MME: variants seen among roughly 807,000 people sequenced by gnomAD.
The protein encoded by MME is neprilysin.
Under a neutral mutation model 113.2 loss-of-function variants are expected in MME, and 98 were observed. That is an observed-to-expected ratio of 0.87 (90% confidence interval 0.74 to 1.02). The LOEUF (loss-of-function observed/expected upper bound fraction) is 1.02, where lower values mean the gene tolerates loss of function less well. Ranked by LOEUF, MME falls within the 50% of genes least tolerant of loss-of-function variation. MME has a pLI of 0.00. For synonymous variants in MME, 292 were observed against 300.6 expected, an observed-to-expected ratio of 0.97 and a Z score of 0.30; for missense variants, 836 against 896.0, an observed-to-expected ratio of 0.93 and a Z score of 0.86.
intron 1 of MME, among the ~76,000 whole-genome samples, chr3:155,032,819 C>CA (rs1713013547): frequency 6.6e-6 from 1 of 152,040 alleles, no homozygotes; most frequent in Admixed American, 6.5e-5. Flanking sequence ...AAAGAGATTA[C>CA]AAAAAATGGA....
At chr3:155,026,253 C>T (rs1184345856) in intron 1 of MME, among the ~76,000 whole-genome samples, 1 of 152,058 alleles carries the variant, frequency 6.6e-6, no homozygotes, top group African/African-American at 2.4e-5. Flanking sequence ...TTTATCTATT[C>T]ATTGAGGCCC....
chr3:155,174,874 G>T (rs1436954868), intron 22 of MME, among the ~76,000 whole-genome samples: 3 of 151,920 alleles, frequency 2.0e-5, no homozygotes, highest in Non-Finnish European at 2.9e-5. Flanking sequence ...TTTGTCAAGG[G>T]TTTGCCCTGC....
chr3:155,143,909 A>T (rs886131365), intron 13 of MME, among the ~76,000 whole-genome samples: 1 of 152,196 alleles, frequency 6.6e-6, no homozygotes, highest in South Asian at 2.1e-4. Context: ...TTTCTTAAAA[A>T]CATAGAAAGT....
At chr3:155,133,067 A>G (rs1397174961) in intron 8 of MME, among the ~76,000 whole-genome samples, 3 of 132,872 alleles carry the variant, frequency 2.3e-5, no homozygotes, top group African/African-American at 8.4e-5. Context: ...AAAAAAATAT[A>G]TATATATATA....
At chr3:155,088,683 CAA>C (rs59288472) in intron 3 of MME, among the ~76,000 whole-genome samples, 5 of 86,658 alleles carry the variant, frequency 5.8e-5, no homozygotes, top group Admixed American at 1.2e-4. Flanking sequence ...AACTCCATCT[CAA>C]AAAAAAAAAA....
rs1439619416 is a variant in MME, at chr3:155,070,962, C to T, written c.-10-13196C>T. 5.3e-5 allele frequency among the ~76,000 whole-genome samples: 8 copies of T among 152,116 alleles called. No homozygotes were observed. The East Asian group carries it at 1.3e-3, about 26-fold the overall frequency. On this transcript the variant is annotated intron_variant, in intron 1 of 22. Coordinates refer to the MME transcript ENST00000492661. ...TGTAGTATTCAATACCCTGCTCTCG[C>T]CCCCAGAGTCAGGGCCACAGCTGTC...
rs371467588 is a variant in MME, at chr3:155,128,680, CT to C, written c.721-9413del. 2.0e-3 allele frequency among the ~76,000 whole-genome samples: 303 copies of C among 151,212 alleles called. 6 individuals are homozygous for C. The highest frequency in any genetic ancestry group is 0.018 in the Admixed American group (272 of 15,216). The stretch of plus-strand genomic sequence containing the variant: ...TTTCTGTATACTTCTTATTTAATGT[CT>C]TTTTTTTTCTATAAAACTGTAAATG... On this transcript the variant is annotated intron_variant, in intron 8 of 22. Coordinates refer to ENST00000360490, the MANE Select transcript of MME (RefSeq NM_007289.4).
chr3:155,116,179 G>A (rs774902924), intron 4 of MME, among the ~76,000 whole-genome samples: 28 of 140,142 alleles, frequency 2.0e-4, no homozygotes, highest in Admixed American at 7.4e-4. Context: ...TGGCAGAGCC[G>A]TATGCATCAC....
intron 9 of MME, 136 bp from the exon 10 acceptor site, chr3:155,140,055 A>C (rs1422126937): frequency 1.9e-6 from 1 of 529,944 alleles, no homozygotes; most frequent in African/African-American, 2.0e-5. Flanking sequence ...TGAAATGACA[A>C]AACAAATTAC....
In MME at chr3:155,116,506, A is replaced by G; in HGVS notation, c.386A>G (p.Asp129Gly). ...KDVLQEPKTE[D>G]IVAVQKAKAL... The stretch of plus-strand genomic sequence containing the variant: ...GTCCTTCAAGAACCCAAAACTGAAG[A>G]TATAGTAGCAGTGCAGAAAGCAAAA... Residue 129 changes from aspartate to glycine, a missense_variant, in exon 5 of 23, where the codon GAT (aspartate) becomes GGT (glycine). By Grantham distance (94) the Asp-to-Gly change is moderately conservative. Coordinates refer to ENST00000360490, the MANE Select transcript of MME (RefSeq NM_007289.4). The G allele has an allele frequency of 6.2e-7, 1 of 1,612,778 alleles. No individual in the cohort carries two copies. The highest frequency in any genetic ancestry group is 1.3e-5 in the African/African-American group (1 of 74,996).
chr3:155,116,440 CA>C (rs748652992), intron 4 of MME, 38 bp from the exon 5 acceptor site: 43 of 1,369,524 alleles, frequency 3.1e-5, no homozygotes, highest in Non-Finnish European at 4.4e-5. Context: ...TGCAAATGAG[CA>C]ATTATGTTGA....
At chr3:155,060,144 T>A (rs1368441622) in intron 1 of MME, among the ~76,000 whole-genome samples, 1 of 152,188 alleles carries the variant, frequency 6.6e-6, no homozygotes, top group Non-Finnish European at 1.5e-5. Context: ...TTTGGGAGAC[T>A]GGGAACAAGA....
intron 8 of MME, among the ~76,000 whole-genome samples, chr3:155,137,232 G>A (rs911262482): frequency 2.6e-5 from 4 of 152,104 alleles, no homozygotes; most frequent in Non-Finnish European, 5.9e-5. Context: ...GCTATTTATG[G>A]AATTAACTAA....
At chr3:155,144,587 G>A (rs1293345744) in intron 14 of MME, 130 bp downstream of exon 14, 1 of 656,324 alleles carries the variant, frequency 1.5e-6, no homozygotes, top group Non-Finnish European at 2.7e-6. Context: ...AATATGTAGT[G>A]TTTCCAGAAA....
chr3:155,056,411 G>A (rs1713930298), intron 1 of MME, among the ~76,000 whole-genome samples: 1 of 149,782 alleles, frequency 6.7e-6, no homozygotes, highest in Admixed American at 6.7e-5. Flanking sequence ...TCCCACCTAT[G>A]AGTGAGAATA....
intron 3 of MME, among the ~76,000 whole-genome samples, chr3:155,109,482 G>A (rs1717990738): frequency 6.6e-6 from 1 of 152,166 alleles, no homozygotes; most frequent in Non-Finnish European, 1.5e-5. Flanking sequence ...AGGGACTGAA[G>A]TCACTGCAAA....
intron 3 of MME, among the ~76,000 whole-genome samples, chr3:155,093,155 T>G (rs1186603786): frequency 6.6e-6 from 1 of 152,150 alleles, no homozygotes; most frequent in East Asian, 1.9e-4. Flanking sequence ...TGCTTGCTAT[T>G]GTATGTTGAG....
upstream of MME, among the ~76,000 whole-genome samples, chr3:155,077,451 T>C (rs564302697): frequency 6.6e-6 from 1 of 152,282 alleles, no homozygotes; most frequent in East Asian, 1.9e-4. Context: ...CTGTAAATAG[T>C]TGGGGACTCT....
chr3:155,142,478 G>A, intron 12 of MME, 148 bp downstream of exon 12: 1 of 659,894 alleles, frequency 1.5e-6, no homozygotes, highest in Non-Finnish European at 2.7e-6. Flanking sequence ...TTTAGGACAT[G>A]TTGCTGAGGA....
Sources: gnomAD v4.1 joint callset for allele counts (sites outside exome capture counted in the v4.1 genomes callset) on GRCh38, gnomAD v4.1.1 for gene constraint, MANE v1.5 for transcripts, NCBI Gene and HGNC (gene_info 2026-07-23, HGNC 2026-07-21) for gene names.